Variants in THSD4 observed in about 807,000 individuals in gnomAD.
The protein encoded by THSD4 is thrombospondin type-1 domain-containing protein 4.
Under a neutral mutation model 119.0 loss-of-function variants are expected in THSD4, and 69 were observed. The ratio of observed to expected loss-of-function variants is 0.58; its 90% CI spans 0.48 to 0.71. The LOEUF (loss-of-function observed/expected upper bound fraction) is 0.71, where lower values mean the gene tolerates loss of function less well. THSD4 is among the 30% of genes least tolerant of loss of function. The pLI, the probability that THSD4 is intolerant of heterozygous loss-of-function variation, is 0.00. For missense variants in THSD4, 1,393 were observed against 1,391.1 expected, an observed-to-expected ratio of 1.00 and a Z score of -0.02; for synonymous variants, 524 against 540.4, an observed-to-expected ratio of 0.97 and a Z score of 0.42.
At chr15:71,377,909 C>CAA (rs2046170026) in intron 6 of THSD4, among the ~76,000 whole-genome samples, 1 of 67,852 alleles carries the variant, frequency 1.5e-5, no homozygotes, top group Non-Finnish European at 2.9e-5. Context: ...CACACACACA[C>CAA]ACACAATTTC....
At chr15:71,104,698 C>T (rs1279502849) in intron 1 of THSD4, among the ~76,000 whole-genome samples, 1 of 152,162 alleles carries the variant, frequency 6.6e-6, no homozygotes, top group Non-Finnish European at 1.5e-5. Context: ...GGAAGGTATA[C>T]ACTGGTTCGG....
intron 6 of THSD4, among the ~76,000 whole-genome samples, chr15:71,395,940 CACACACACACACAA>C (rs1335251773): frequency 1.4e-4 from 21 of 150,718 alleles, no homozygotes; most frequent in East Asian, 2.0e-4. Flanking sequence ...CACACACACA[CACACACACACACAA>C]ACACAGACTT....
intron 7 of THSD4, among the ~76,000 whole-genome samples, chr15:71,648,833 C>T (rs1419002365): frequency 6.6e-6 from 1 of 152,178 alleles, no homozygotes; most frequent in African/African-American, 2.4e-5. Context: ...AACATTTTAC[C>T]AGCCCCTACT....
At chr15:71,768,786 C>T (rs1039980051) in intron 16 of THSD4, among the ~76,000 whole-genome samples, 1 of 149,940 alleles carries the variant, frequency 6.7e-6, no homozygotes, top group African/African-American at 2.5e-5. Context: ...AGGATGGTCT[C>T]GATCTTCTGA....
At chr15:71,142,151 T>A (rs1350266769) in intron 2 of THSD4, among the ~76,000 whole-genome samples, 2 of 152,342 alleles carry the variant, frequency 1.3e-5, no homozygotes, top group East Asian at 3.9e-4. Context: ...TATTTTAAAA[T>A]GGTGCTCTCT....
rs556682631 is a variant in THSD4 at position 71,389,810 on chromosome 15, G to GTTTTT, written c.1016-21864_1016-21860dup. 1.7e-4 allele frequency among the ~76,000 whole-genome samples: 15 copies of GTTTTT among 88,022 alleles called. 2 individuals are homozygous for GTTTTT. Among genetic ancestry groups the GTTTTT allele is most frequent in the South Asian group, 9.9e-4 (2 of 2,028 alleles). 57.7% of individuals were successfully genotyped at this position (88,022 alleles called of 152,430 possible). A position where few individuals can be genotyped will look rare whatever the true frequency, so the allele number is the denominator to read the frequency against. On this transcript the variant is annotated intron_variant, in intron 6 of 17. Coordinates refer to ENST00000261862, the MANE Select transcript of THSD4 (RefSeq NM_024817.3). ...GCCAACACTTGCTATTTTCTGGGTT[G>GTTTTT]TTTTTTTTTTTTTTTTTGACACAGA... is the stretch of plus-strand genomic sequence containing the variant.
At chr15:71,192,919 C>T (rs929615914) in intron 3 of THSD4, among the ~76,000 whole-genome samples, 15 of 152,168 alleles carry the variant, frequency 9.9e-5, no homozygotes, top group African/African-American at 2.9e-4. Flanking sequence ...TTCCATCCTT[C>T]ATGGGAATCG....
At chr15:71,214,249 C>T (rs998359992) in intron 3 of THSD4, among the ~76,000 whole-genome samples, 4 of 149,988 alleles carry the variant, frequency 2.7e-5, no homozygotes, top group African/African-American at 7.6e-5. Flanking sequence ...CGACCCGCCC[C>T]ACTCCCTCCA....
chr15:71,184,439 A>G (rs1427871276), intron 3 of THSD4, among the ~76,000 whole-genome samples: 1 of 151,820 alleles, frequency 6.6e-6, no homozygotes, highest in Non-Finnish European at 1.5e-5. Context: ...AGAGTTACAC[A>G]GATGGTTAAC....
At chr15:71,730,911 C>A (rs957040421) in intron 9 of THSD4, 3 of 540,998 alleles carry the variant, frequency 5.5e-6, no homozygotes, top group Non-Finnish European at 1.0e-5. Flanking sequence ...CTGATTTGCT[C>A]GGCCTAAGTT....
chr15:71,391,655 A>T (rs2046381237), intron 6 of THSD4, among the ~76,000 whole-genome samples: 1 of 152,200 alleles, frequency 6.6e-6, no homozygotes, highest in Admixed American at 6.5e-5. Context: ...CTGAGTCTGT[A>T]GTCACACGCT....
chr15:71,568,476 T>C (rs2049282791), intron 7 of THSD4, among the ~76,000 whole-genome samples: 2 of 152,126 alleles, frequency 1.3e-5, no homozygotes. Context: ...TCAGGACCTT[T>C]TTCAAAACAA....
At chr15:71,660,842 G>C in intron 8 of THSD4, 108 bp downstream of exon 8, 1 of 1,251,396 alleles carries the variant, frequency 8.0e-7, no homozygotes. Flanking sequence ...GGGGCATGCA[G>C]GCAGTGCCCC....
chr15:71,651,047 A>C (rs189128082), intron 7 of THSD4, among the ~76,000 whole-genome samples: 199 of 152,348 alleles, frequency 1.3e-3, no homozygotes, highest in African/African-American at 4.5e-3. Flanking sequence ...AATTCGATGA[A>C]TGAATTAATG....
intron 6 of THSD4, among the ~76,000 whole-genome samples, chr15:71,311,089 C>A (rs1479992928): frequency 6.6e-6 from 1 of 152,144 alleles, no homozygotes; most frequent in Non-Finnish European, 1.5e-5. Context: ...CTGGAGCCTT[C>A]CAATTTCTTA....
intron 3 of THSD4, chr15:71,183,309 T>C (rs2043554884): frequency 6.6e-6 from 1 of 151,514 alleles, no homozygotes; most frequent in Non-Finnish European, 1.5e-5. Flanking sequence ...TCCCACTGAG[T>C]CCCTCCCACG....
At chr15:71,560,554 T>C (rs1328014981) in intron 7 of THSD4, among the ~76,000 whole-genome samples, 1 of 152,240 alleles carries the variant, frequency 6.6e-6, no homozygotes, top group African/African-American at 2.4e-5. Context: ...AGGGGTTTCG[T>C]AGGCAGATAT....
chr15:71,508,970 TGAGA>T (rs1203615876), intron 7 of THSD4, among the ~76,000 whole-genome samples: 2 of 149,558 alleles, frequency 1.3e-5, no homozygotes, highest in South Asian at 2.1e-4. Context: ...GAAGCATTTC[TGAGA>T]GAGAGGGAGG....
chr15:71,225,369 T>C (rs775242281), intron 4 of THSD4, among the ~76,000 whole-genome samples: 8 of 152,100 alleles, frequency 5.3e-5, no homozygotes, highest in Non-Finnish European at 1.0e-4. Context: ...AGTTTCTACA[T>C]TCATAAAATA....
Sources: allele counts gnomAD v4.1 joint callset (sites outside exome capture counted in the v4.1 genomes callset), GRCh38; gene constraint gnomAD v4.1.1; transcripts MANE v1.5; gene names NCBI Gene and HGNC (gene_info 2026-07-23, HGNC 2026-07-21).